Variants in FKBP5 observed in about 807,000 individuals in gnomAD.
The protein encoded by FKBP5 is FKBP prolyl isomerase 5, also known as peptidyl-prolyl cis-trans isomerase FKBP5.
In FKBP5, 23 loss-of-function variants were observed where a neutral mutation model predicts 50.5. The ratio of observed to expected loss-of-function variants is 0.46; its 90% CI spans 0.33 to 0.65. FKBP5 has a LOEUF of 0.65. FKBP5 is among the 30% of genes least tolerant of loss of function. FKBP5 has a pLI of 0.02. For synonymous variants in FKBP5, 176 were observed against 190.6 expected, an observed-to-expected ratio of 0.92 and a Z score of 0.63; for missense variants, 411 against 553.1, an observed-to-expected ratio of 0.74 and a Z score of 2.58.
At chr6:35,708,434 T>G (rs1766359823) in intron 2 of FKBP5, among the ~76,000 whole-genome samples, 1 of 152,074 alleles carries the variant, frequency 6.6e-6, no homozygotes, top group African/African-American at 2.4e-5. Flanking sequence ...GTATATATAG[T>G]AGAGGTGGGC....
At chr6:35,635,109 C>T (rs921396282) in intron 3 of FKBP5, among the ~76,000 whole-genome samples, 4 of 149,598 alleles carry the variant, frequency 2.7e-5, no homozygotes, top group Admixed American at 6.6e-5. Flanking sequence ...CTGAGGTGGG[C>T]GGATCACTTG....
At chr6:35,671,143 A>T (rs568507626) in intron 1 of FKBP5, among the ~76,000 whole-genome samples, 130 of 152,166 alleles carry the variant, frequency 8.5e-4, no homozygotes, top group African/African-American at 3.0e-3. Flanking sequence ...GCACACCTGT[A>T]GTCCCACCTA....
chr6:35,631,602 G>A (rs898020060), intron 3 of FKBP5, among the ~76,000 whole-genome samples: 4 of 151,938 alleles, frequency 2.6e-5, no homozygotes, highest in African/African-American at 7.3e-5. Context: ...AAGTGGCTTC[G>A]ACACAAATAT....
At chr6:35,581,609 AAACAAAAC>A in intron 8 of FKBP5, 1 of 985,352 alleles carries the variant, frequency 1.0e-6, no homozygotes, top group Non-Finnish European at 1.2e-6. Flanking sequence ...AAACAAAACA[AAACAAAAC>A]AAAACCCCTC....
chr6:35,649,035 A>C (rs1304913815), intron 1 of FKBP5, among the ~76,000 whole-genome samples: 1 of 152,084 alleles, frequency 6.6e-6, no homozygotes, highest in Non-Finnish European at 1.5e-5. Flanking sequence ...ACGGATCACA[A>C]AGTCAGGAGA....
intron 1 of FKBP5, among the ~76,000 whole-genome samples, chr6:35,682,212 T>C (rs1443033791): frequency 1.3e-5 from 2 of 152,248 alleles, no homozygotes; most frequent in Non-Finnish European, 2.9e-5. Context: ...AGACTGTTTT[T>C]ATTGTCTTGC....
intron 3 of FKBP5, among the ~76,000 whole-genome samples, chr6:35,629,482 C>T (rs1386418348): frequency 1.3e-5 from 2 of 152,050 alleles, no homozygotes; most frequent in Non-Finnish European, 2.9e-5. Flanking sequence ...ACAGGATAAT[C>T]CCTCCCCACC....
chr6:35,685,982 C>CA (rs60786619), intron 1 of FKBP5, among the ~76,000 whole-genome samples: 1,430 of 45,172 alleles, frequency 0.032, 23 homozygotes, highest in East Asian at 0.11. Context: ...AACGCCATCT[C>CA]AAAAAAAAAA....
chr6:35,679,956 TAG>T (rs965460323), intron 1 of FKBP5, among the ~76,000 whole-genome samples: 3 of 152,040 alleles, frequency 2.0e-5, no homozygotes, highest in Non-Finnish European at 4.4e-5. Flanking sequence ...TAAAAATATA[TAG>T]GTCATATAAC....
chr6:35,682,107 TCTC>T (rs1260005039), intron 1 of FKBP5, among the ~76,000 whole-genome samples: 1 of 128,390 alleles, frequency 7.8e-6, no homozygotes, highest in Non-Finnish European at 1.5e-5. Flanking sequence ...GTAACAAACA[TCTC>T]CTCCAAGCTA....
At chr6:35,606,884 G>T (rs939918061) in intron 5 of FKBP5, among the ~76,000 whole-genome samples, 17 of 152,008 alleles carry the variant, frequency 1.1e-4, no homozygotes, top group Non-Finnish European at 1.9e-4. Context: ...AAAATAAATC[G>T]TTCTATCAGA....
intron 1 of FKBP5, among the ~76,000 whole-genome samples, chr6:35,722,578 C>G (rs1465389001): frequency 7.2e-5 from 11 of 152,190 alleles, no homozygotes; most frequent in Non-Finnish European, 1.5e-5. Flanking sequence ...TGCCTCTGGC[C>G]TCATCTCCCC....
At chr6:35,614,056 T>C (rs954289824) in intron 5 of FKBP5, among the ~76,000 whole-genome samples, 3 of 152,156 alleles carry the variant, frequency 2.0e-5, no homozygotes, top group African/African-American at 7.2e-5. Context: ...CCATCACATG[T>C]GGCTAAATGT....
chr6:35,641,484 C>T (rs1764487944), intron 2 of FKBP5, among the ~76,000 whole-genome samples: 1 of 152,182 alleles, frequency 6.6e-6, no homozygotes, highest in African/African-American at 2.4e-5. Context: ...ACCCATGCTA[C>T]AACAGCTATG....
At chr6:35,669,814 C>T (rs559031104) in intron 1 of FKBP5, among the ~76,000 whole-genome samples, 2 of 152,280 alleles carry the variant, frequency 1.3e-5, no homozygotes, top group South Asian at 4.1e-4. Flanking sequence ...TTTCTCTCTT[C>T]TGAAAAATTG....
chr6:35,668,683 TTTG>T (rs1460950160), intron 1 of FKBP5, among the ~76,000 whole-genome samples: 2 of 152,082 alleles, frequency 1.3e-5, no homozygotes, highest in Admixed American at 6.5e-5. Context: ...TTTTGTTTTG[TTTG>T]TTATTATTAT....
chr6:35,665,114 T>G (rs1000741572), intron 1 of FKBP5, among the ~76,000 whole-genome samples: 1 of 152,180 alleles, frequency 6.6e-6, no homozygotes, highest in African/African-American at 2.4e-5. Flanking sequence ...TCCAGACGGC[T>G]CACTCACTCC....
At chr6:35,646,326 T>C (rs568743189) in intron 1 of FKBP5, among the ~76,000 whole-genome samples, 6 of 152,320 alleles carry the variant, frequency 3.9e-5, no homozygotes, top group African/African-American at 9.6e-5. Flanking sequence ...TCTCAGAGGA[T>C]GGCTCTTGTC....
intron 5 of FKBP5, among the ~76,000 whole-genome samples, chr6:35,613,995 A>C (rs1763571152): frequency 6.6e-6 from 1 of 152,166 alleles, no homozygotes; most frequent in Non-Finnish European, 1.5e-5. Context: ...TCCTGGGCTC[A>C]AGAGATCCTC....
Sources: gnomAD v4.1 joint callset for allele counts (sites outside exome capture counted in the v4.1 genomes callset) on GRCh38, gnomAD v4.1.1 for gene constraint, MANE v1.5 for transcripts, NCBI Gene and HGNC (gene_info 2026-07-23, HGNC 2026-07-21) for gene names.